MAP3K9: variants seen among roughly 807,000 people sequenced by gnomAD.
MAP3K9 encodes mitogen-activated protein kinase kinase kinase 9.
In MAP3K9, 46 loss-of-function variants were observed where a neutral mutation model predicts 95.8. The observed-to-expected ratio is 0.48, with a 90% CI of 0.38 to 0.61. The LOEUF is 0.61. Among genes scored for constraint, MAP3K9 ranks in the 20% least tolerant of loss-of-function variants. The pLI is 0.00. For missense variants in MAP3K9, 1,296 were observed against 1,474.3 expected (o/e 0.88, Z 1.98); for synonymous variants, 533 against 593.8 (o/e 0.90, Z 1.49).
At chr14:70,761,619 C>T (rs1566747248) in intron 2 of MAP3K9, among the ~76,000 whole-genome samples, 1 of 152,298 alleles carries the variant, frequency 6.6e-6, no homozygotes, top group East Asian at 1.9e-4. Flanking sequence ...AAAAAATTAG[C>T]TAGGTGTGGT....
intron 2 of MAP3K9, among the ~76,000 whole-genome samples, chr14:70,773,845 A>G (rs1228190316): frequency 6.6e-6 from 1 of 152,248 alleles, no homozygotes; most frequent in Non-Finnish European, 1.5e-5. Context: ...CCAAACTTTT[A>G]CATACAAGAG....
chr14:70,746,216 T>C (rs1479158210), intron 5 of MAP3K9, among the ~76,000 whole-genome samples: 3 of 152,194 alleles, frequency 2.0e-5, no homozygotes, highest in African/African-American at 7.2e-5. Flanking sequence ...CTCTCTTTAA[T>C]GGAACACAAA....
intron 2 of MAP3K9, among the ~76,000 whole-genome samples, chr14:70,790,126 G>A (rs921416402): frequency 1.3e-5 from 2 of 152,158 alleles, no homozygotes; most frequent in African/African-American, 4.8e-5. Flanking sequence ...TGGTTCATGT[G>A]ACCAGAGCAT....
At chr14:70,755,435 G>A (rs1010632799) in intron 3 of MAP3K9, among the ~76,000 whole-genome samples, 8 of 152,224 alleles carry the variant, frequency 5.3e-5, no homozygotes, top group Non-Finnish European at 1.5e-5. Context: ...TCTGCCACCT[G>A]GGTGAACTTA....
intron 2 of MAP3K9, among the ~76,000 whole-genome samples, chr14:70,762,071 A>C (rs964282901): frequency 2.0e-5 from 3 of 152,226 alleles, no homozygotes; most frequent in Non-Finnish European, 4.4e-5. Context: ...ATTATAGCTT[A>C]TATCAGTACT....
At chr14:70,791,231 C>CA (rs2054803648) in intron 2 of MAP3K9, among the ~76,000 whole-genome samples, 2 of 152,216 alleles carry the variant, frequency 1.3e-5, no homozygotes, top group South Asian at 4.1e-4. Context: ...GCCCTGAACT[C>CA]AACCCCTCAC....
intron 7 of MAP3K9, 141 bp from the exon 8 acceptor site, chr14:70,738,539 G>C (rs2054018959): frequency 2.7e-5 from 18 of 669,824 alleles, no homozygotes; most frequent in Non-Finnish European, 3.8e-5. Flanking sequence ...TGCCCAAGTG[G>C]ACCCTTCCAG....
chr14:70,734,773 G>T (rs1382222975), intron 9 of MAP3K9, among the ~76,000 whole-genome samples: 1 of 152,230 alleles, frequency 6.6e-6, no homozygotes, highest in African/African-American at 2.4e-5. Flanking sequence ...CAAGCAGACA[G>T]AAAGAATAAG....
Position 70,809,250 on chromosome 14 carries a change from G to A in MAP3K9, c.-79C>T, listed in dbSNP as rs2055039148. On this transcript the variant is annotated 5_prime_UTR_variant, in exon 1 of 12. Coordinates refer to ENST00000554752, the MANE Select transcript of MAP3K9 (RefSeq NM_001284230.2). ...CGCCTATTGTTCATGCGCCTCCGCA[G>A]AGCTGGGAGGACCCCCCCCCAACGA... 3 of 1,259,696 alleles carry A rather than the reference G, an allele frequency of 2.4e-6. No individual in the cohort carries two copies. Among genetic ancestry groups the A allele is most frequent in the Admixed American group, 4.2e-5 (1 of 23,698 alleles). 78.0% of individuals were successfully genotyped at this position (1,259,696 alleles called of 1,614,324 possible). A position where few individuals can be genotyped will look rare whatever the true frequency, so the allele number is the denominator to read the frequency against.
At chr14:70,758,767 CT>C (rs1000650160) in intron 3 of MAP3K9, among the ~76,000 whole-genome samples, 310 of 144,052 alleles carry the variant, frequency 2.2e-3, no homozygotes, top group Middle Eastern at 3.5e-3. Flanking sequence ...ATGGATGAAT[CT>C]TTTTTTTTTT....
chr14:70,769,635 A>C, intron 2 of MAP3K9, among the ~76,000 whole-genome samples: 1 of 152,002 alleles, frequency 6.6e-6, no homozygotes, highest in Non-Finnish European at 1.5e-5. Context: ...TCCTTCTTTG[A>C]CCCTTCTAGC....
chr14:70,768,085 T>C (rs1056348947), intron 2 of MAP3K9, among the ~76,000 whole-genome samples: 6 of 152,276 alleles, frequency 3.9e-5, no homozygotes, highest in Middle Eastern at 3.4e-3. Flanking sequence ...ACCTAGTATT[T>C]GATAGCACAA....
intron 5 of MAP3K9, among the ~76,000 whole-genome samples, chr14:70,748,577 C>T (rs1239489141): frequency 1.3e-5 from 2 of 151,984 alleles, no homozygotes; most frequent in Admixed American, 6.5e-5. Context: ...CTCATATTTC[C>T]AGCTGGCAGG....
chr14:70,756,437 T>C (rs1268521985), intron 3 of MAP3K9, among the ~76,000 whole-genome samples: 1 of 152,180 alleles, frequency 6.6e-6, no homozygotes, highest in Non-Finnish European at 1.5e-5. Context: ...GTGTGACAAG[T>C]GGCTGCTTGT....
At chr14:70,803,849 T>G (rs2054960775) in intron 1 of MAP3K9, among the ~76,000 whole-genome samples, 1 of 152,244 alleles carries the variant, frequency 6.6e-6, no homozygotes, top group South Asian at 2.1e-4. Flanking sequence ...ATTTCAGTAC[T>G]ACAGAGGCTA....
rs773499129 is a variant in MAP3K9 at position 70,738,304 on chromosome 14, C to T, written c.1785G>A (p.Lys595=). ...GCGTCCCTGGCCCCCACGTCCGTCC[C>T]TTCTTCTTTGGGGCCCTCTTCTCCT... ...EEEEKRAPKK[K]GRTWGPGTLG... Residue 595 remains lysine, a synonymous_variant, in exon 8 of 12, where the codon AAG becomes AAA. Coordinates refer to ENST00000554752, the MANE Select transcript of MAP3K9 (RefSeq NM_001284230.2). The T allele has an allele frequency of 1.2e-6, 2 of 1,614,020 alleles. No individual in the cohort carries two copies. Among genetic ancestry groups the T allele is most frequent in the East Asian group, 2.2e-5 (1 of 44,870 alleles).
At chr14:70,779,487 G>A (rs2054645572) in intron 2 of MAP3K9, among the ~76,000 whole-genome samples, 2 of 152,220 alleles carry the variant, frequency 1.3e-5, no homozygotes, top group South Asian at 4.1e-4. Flanking sequence ...TGAGTCCTAG[G>A]AAATCTCTCT....
chr14:70,756,293 G>C (rs2054297890), intron 3 of MAP3K9, among the ~76,000 whole-genome samples: 1 of 152,216 alleles, frequency 6.6e-6, no homozygotes, highest in Admixed American at 6.5e-5. Flanking sequence ...AACCTCTGGA[G>C]TGTGTGACAG....
chr14:70,764,893 T>C (rs1168838148), intron 2 of MAP3K9, among the ~76,000 whole-genome samples: 1 of 152,054 alleles, frequency 6.6e-6, no homozygotes, highest in Non-Finnish European at 1.5e-5. Flanking sequence ...AGAATAAGGA[T>C]AAAAGAAAGA....
Sources: allele counts gnomAD v4.1 joint callset (sites outside exome capture counted in the v4.1 genomes callset), GRCh38; gene constraint gnomAD v4.1.1; transcripts MANE v1.5; gene names NCBI Gene and HGNC (gene_info 2026-07-23, HGNC 2026-07-21).